Variants in CDIN1 observed in about 807,000 individuals in gnomAD.
CDIN1 encodes CDAN1 interacting nuclease 1.
A neutral mutation model predicts 45.3 loss-of-function variants in CDIN1; 33 were observed. That is an observed-to-expected ratio of 0.73 (90% CI 0.55 to 0.97). CDIN1 has a LOEUF of 0.97. Among genes scored for constraint, CDIN1 ranks in the 50% least tolerant of loss-of-function variants. CDIN1 has a pLI of 0.00. For synonymous variants in CDIN1, 118 were observed against 124.4 expected, an observed-to-expected ratio of 0.95 and a Z score of 0.34; for missense variants, 303 against 339.4, an observed-to-expected ratio of 0.89 and a Z score of 0.84.
intron 7 of CDIN1, among the ~76,000 whole-genome samples, chr15:36,695,722 C>G (rs1219191013): frequency 6.6e-6 from 1 of 151,984 alleles, no homozygotes; most frequent in Non-Finnish European, 1.5e-5. Flanking sequence ...TCACAGGCAC[C>G]TGTAATTCCA....
In CDIN1 at chr15:36,645,288, G is replaced by A; in HGVS notation, c.212+1G>A. 1.3e-6 allele frequency: 2 copies of A among 1,549,760 alleles called. No homozygotes were observed. The highest frequency in any genetic ancestry group is 1.2e-5 in the South Asian group (1 of 84,080). On this transcript the variant is annotated splice_donor_variant, in intron 3 of 10. Coordinates refer to ENST00000566621, the MANE Select transcript of CDIN1 (RefSeq NM_001321759.2). LOFTEE classifies it high-confidence loss of function. ...AAGCAATTGAAAGTTATTACCAGAGGTATGACCTTCCTGCCCCACTAGAGG... is the reference window on the plus strand; with the variant it reads ...AAGCAATTGAAAGTTATTACCAGAGATATGACCTTCCTGCCCCACTAGAGG...
intron 1 of CDIN1, among the ~76,000 whole-genome samples, chr15:36,624,171 A>G (rs1262323249): frequency 6.6e-6 from 1 of 152,192 alleles, no homozygotes; most frequent in Middle Eastern, 3.2e-3. Flanking sequence ...GCCTAATTGT[A>G]TTGTGCATAG....
intron 10 of CDIN1, among the ~76,000 whole-genome samples, chr15:36,723,463 A>G (rs16963929): frequency 0.039 from 5,999 of 152,284 alleles, 415 homozygotes; most frequent in African/African-American, 0.13. Context: ...TGGCAGGTAT[A>G]TAAAGCCATA....
intron 1 of CDIN1, among the ~76,000 whole-genome samples, chr15:36,592,580 T>C (rs777481974): frequency 6.6e-6 from 1 of 152,202 alleles, no homozygotes; most frequent in Non-Finnish European, 1.5e-5. Flanking sequence ...TTCATTCTTA[T>C]AAGATTTTTG....
intron 10 of CDIN1, among the ~76,000 whole-genome samples, chr15:36,716,574 G>A (rs1271733988): frequency 4.6e-5 from 7 of 152,068 alleles, no homozygotes; most frequent in African/African-American, 1.4e-4. Flanking sequence ...AATCACATGC[G>A]GGTTGTTTTT....
chr15:36,790,270 T>C (rs1595602037), intron 10 of CDIN1: 1 of 152,366 alleles, frequency 6.6e-6, no homozygotes, highest in East Asian at 1.9e-4. Context: ...GCCAGCAATC[T>C]TTCCCAGCTC....
intron 1 of CDIN1, among the ~76,000 whole-genome samples, chr15:36,616,199 G>A (rs1243863857): frequency 2.0e-5 from 3 of 152,100 alleles, no homozygotes; most frequent in African/African-American, 7.2e-5. Flanking sequence ...GAGGTGCCAT[G>A]TTAAGTTTTT....
At chr15:36,710,099 T>C in intron 10 of CDIN1, 138 bp downstream of exon 10, 1 of 529,918 alleles carries the variant, frequency 1.9e-6, no homozygotes, top group Non-Finnish European at 3.2e-6. Flanking sequence ...AATGTATTCA[T>C]TTCAGATAAT....
chr15:36,595,321 TATAATATA>T (rs1432769577), intron 1 of CDIN1, among the ~76,000 whole-genome samples: 1 of 147,496 alleles, frequency 6.8e-6, no homozygotes, highest in African/African-American at 2.5e-5. Context: ...TATAATATAA[TATAATATA>T]ATATAATATA....
chr15:36,686,157 A>G (rs2042034326), intron 5 of CDIN1, among the ~76,000 whole-genome samples: 1 of 152,112 alleles, frequency 6.6e-6, no homozygotes, highest in Non-Finnish European at 1.5e-5. Flanking sequence ...CTTGGAACCA[A>G]GCCAAATGTC....
intron 10 of CDIN1, among the ~76,000 whole-genome samples, chr15:36,742,675 C>T (rs1157609178): frequency 2.0e-5 from 3 of 152,252 alleles, no homozygotes; most frequent in Non-Finnish European, 4.4e-5. Flanking sequence ...ATAAGTATTT[C>T]CAGATGCAGG....
At chr15:36,665,051 G>A (rs577359585) in intron 5 of CDIN1, among the ~76,000 whole-genome samples, 1 of 152,152 alleles carries the variant, frequency 6.6e-6, no homozygotes, top group Non-Finnish European at 1.5e-5. Context: ...AGACAATTCA[G>A]ATGAAATTCT....
chr15:36,750,594 G>A (rs927237323), intron 10 of CDIN1, among the ~76,000 whole-genome samples: 8 of 152,108 alleles, frequency 5.3e-5, no homozygotes, highest in Non-Finnish European at 8.8e-5. Flanking sequence ...AATACTTAAC[G>A]TACAGCAGGA....
chr15:36,743,225 A>AT (rs2044300991), intron 10 of CDIN1, among the ~76,000 whole-genome samples: 1 of 152,144 alleles, frequency 6.6e-6, no homozygotes, highest in Non-Finnish European at 1.5e-5. Flanking sequence ...GCATGATCAT[A>AT]TTTTTATTTA....
intron 5 of CDIN1, among the ~76,000 whole-genome samples, chr15:36,686,402 G>T (rs1221874248): frequency 8.1e-6 from 1 of 123,760 alleles, no homozygotes; most frequent in African/African-American, 3.1e-5. Context: ...ACACTCTGGG[G>T]ACTGTTGTGG....
intron 1 of CDIN1, among the ~76,000 whole-genome samples, chr15:36,623,607 G>C (rs890103490): frequency 6.6e-6 from 1 of 152,182 alleles, no homozygotes; most frequent in African/African-American, 2.4e-5. Context: ...CCCTGAACAG[G>C]GTCCTGGAAG....
chr15:36,580,871 C>G (rs1022687098), intron 1 of CDIN1, among the ~76,000 whole-genome samples: 4 of 152,206 alleles, frequency 2.6e-5, no homozygotes, highest in Admixed American at 6.5e-5. Flanking sequence ...CCATCCTTGA[C>G]GTATTCAGTC....
intron 4 of CDIN1, among the ~76,000 whole-genome samples, chr15:36,656,352 T>C (rs2040782478): frequency 6.6e-6 from 1 of 152,184 alleles, no homozygotes; most frequent in Non-Finnish European, 1.5e-5. Context: ...GTATTTTTAT[T>C]ATCTTTTTGG....
At chr15:36,736,765 C>G (rs947091058) in intron 10 of CDIN1, among the ~76,000 whole-genome samples, 1 of 152,186 alleles carries the variant, frequency 6.6e-6, no homozygotes, top group Non-Finnish European at 1.5e-5. Flanking sequence ...TTAAGGTCTT[C>G]CACAGTCTGA....
Sources: gnomAD v4.1 joint callset for allele counts (sites outside exome capture counted in the v4.1 genomes callset) on GRCh38, gnomAD v4.1.1 for gene constraint, MANE v1.5 for transcripts, NCBI Gene and HGNC (gene_info 2026-07-23, HGNC 2026-07-21) for gene names.